CHLSN: variants seen among roughly 807,000 people sequenced by gnomAD.
The protein encoded by CHLSN is cholesin.
the CHLSN span, among the ~76,000 whole-genome samples, chr7:1,020,084 G>A: frequency 5.3e-5 from 8 of 152,296 alleles, no homozygotes; most frequent in South Asian, 1.0e-3. Context: ...TCCAAGGGCC[G>A]GCGGAGTGGT....
chr7:1,017,286 CG>C, the CHLSN span, among the ~76,000 whole-genome samples: 1 of 152,280 alleles, frequency 6.6e-6, no homozygotes, highest in South Asian at 2.1e-4. Flanking sequence ...ATTGGAGCTG[CG>C]GGGAGGGACG....
the CHLSN span, among the ~76,000 whole-genome samples, chr7:1,130,509 C>T: frequency 6.0e-4 from 91 of 152,136 alleles, no homozygotes; most frequent in African/African-American, 2.2e-3. Flanking sequence ...CAGAAGAAGC[C>T]CTCACCTGAC....
chr7:1,008,807 T>C, the CHLSN span, among the ~76,000 whole-genome samples: 3 of 123,466 alleles, frequency 2.4e-5, no homozygotes, highest in Non-Finnish European at 5.2e-5. Context: ...CGTGTATACA[T>C]GTACACACGC....
chr7:1,096,970 C>T, the CHLSN span, among the ~76,000 whole-genome samples: 4 of 152,242 alleles, frequency 2.6e-5, no homozygotes, highest in Non-Finnish European at 5.9e-5. The surrounding 1 kb of genome is among the most constrained non-coding windows in gnomAD (Gnocchi z 4.6). Flanking sequence ...CTAGACACCC[C>T]GTGAACTGGG....
At chr7:1,104,838 T>C in the CHLSN span, among the ~76,000 whole-genome samples, 1 of 152,226 alleles carries the variant, frequency 6.6e-6, no homozygotes, top group Non-Finnish European at 1.5e-5. Flanking sequence ...GACCCAAAAC[T>C]GAAGAACTTT....
chr7:1,093,849 G>A, the CHLSN span: 1 of 362,952 alleles, frequency 2.8e-6, no homozygotes, highest in East Asian at 7.5e-5. Context: ...TGCCAAGTGG[G>A]GTGGGACGTG....
chr7:1,028,311 C>T, the CHLSN span: 2 of 1,041,204 alleles, frequency 1.9e-6, no homozygotes, highest in South Asian at 2.8e-5. Context: ...GGCAGGGATG[C>T]GCCCGCAGTG....
At chr7:978,769 T>G in the CHLSN span, among the ~76,000 whole-genome samples, 1 of 152,254 alleles carries the variant, frequency 6.6e-6, no homozygotes, top group Non-Finnish European at 1.5e-5. Flanking sequence ...TCGCGTTATC[T>G]GCCGCTGCAT....
chr7:1,106,584 A>AAGGC, the CHLSN span, among the ~76,000 whole-genome samples: 341 of 152,268 alleles, frequency 2.2e-3, 1 homozygote, highest in African/African-American at 7.7e-3. Context: ...CATGAGCAAA[A>AAGGC]AGGCAGGCAG....
chr7:1,028,030 G>A, the CHLSN span, among the ~76,000 whole-genome samples: 1 of 46 alleles, frequency 0.022, no homozygotes, highest in Non-Finnish European at 0.042. Flanking sequence ...GTGGGAGGAG[G>A]GCGCGGGACC....
the CHLSN span, among the ~76,000 whole-genome samples, chr7:1,083,826 G>A: frequency 6.6e-6 from 1 of 152,164 alleles, no homozygotes; most frequent in Non-Finnish European, 1.5e-5. Context: ...AGTGCCAGGC[G>A]ACACAGCAGA....
chr7:1,135,792 T>TATACACAC, the CHLSN span, among the ~76,000 whole-genome samples: 3 of 106,390 alleles, frequency 2.8e-5, no homozygotes, highest in South Asian at 2.7e-4. Context: ...TATATATATA[T>TATACACAC]ACACAATTTA....
chr7:1,118,267 A>T, the CHLSN span, among the ~76,000 whole-genome samples: 1 of 152,356 alleles, frequency 6.6e-6, no homozygotes, highest in East Asian at 1.9e-4. Flanking sequence ...GCTAGAAGAA[A>T]AACAAAGACG....
the CHLSN span, among the ~76,000 whole-genome samples, chr7:1,053,492 C>A: frequency 6.6e-6 from 1 of 152,216 alleles, no homozygotes; most frequent in Admixed American, 6.5e-5. Context: ...GGCCCTGGCA[C>A]GCTGTGGTTC....
chr7:1,123,534 C>T, the CHLSN span, among the ~76,000 whole-genome samples: 1 of 152,112 alleles, frequency 6.6e-6, no homozygotes, highest in Non-Finnish European at 1.5e-5. The surrounding 1 kb of genome is among the most constrained non-coding windows in gnomAD (Gnocchi z 4.4). Flanking sequence ...AGGAATGCTG[C>T]TCCCCAGGCC....
chr7:1,041,331 CCTGGGGTCCGCGCTGCGGGGAAG>C, the CHLSN span, among the ~76,000 whole-genome samples: 2 of 109,314 alleles, frequency 1.8e-5, no homozygotes, highest in South Asian at 2.8e-4. Context: ...GGGAAGGGGG[CCTGGGGTCCGCGCTGCGGGGAAG>C]GGGGCCTGGG....
the CHLSN span, among the ~76,000 whole-genome samples, chr7:1,087,755 C>G: frequency 2.0e-5 from 3 of 152,350 alleles, no homozygotes; most frequent in East Asian, 5.8e-4. Flanking sequence ...GCACATGCTA[C>G]TAAGTTAATT....
chr7:1,027,745 TCCTCTACC>T, the CHLSN span, among the ~76,000 whole-genome samples: 225 of 151,610 alleles, frequency 1.5e-3, 2 homozygotes, highest in African/African-American at 5.4e-3. Flanking sequence ...CCCGACGGGG[TCCTCTACC>T]CCGGCACAGG....
At chr7:1,019,495 G>A in the CHLSN span, among the ~76,000 whole-genome samples, 2,231 of 152,348 alleles carry the variant, frequency 0.015, 24 homozygotes, top group Non-Finnish European at 0.026. Flanking sequence ...ACAGCTCCCG[G>A]CAGAAATGCG....
Sources: gnomAD v4.1 joint callset for allele counts (sites outside exome capture counted in the v4.1 genomes callset) on GRCh38, gnomAD v4.1.1 for gene constraint, Gnocchi (gnomAD v3.1) non-coding constraint, MANE v1.5 for transcripts, NCBI Gene and HGNC (gene_info 2026-07-23, HGNC 2026-07-21) for gene names.